STARD13: variants seen among roughly 807,000 people sequenced by gnomAD.
STARD13 encodes the protein stAR-related lipid transfer protein 13.
STARD13 carries 62 observed loss-of-function variants against 106.4 expected under a neutral mutation model. The ratio of observed to expected loss-of-function variants is 0.58; its 90% CI spans 0.48 to 0.72. The LOEUF is 0.72. Ranked by LOEUF, STARD13 falls within the 30% of genes least tolerant of loss-of-function variation. The pLI is 0.00. For synonymous variants in STARD13, 565 were observed against 553.0 expected (o/e 1.02, Z -0.31); for missense variants, 1,387 against 1,424.0 (o/e 0.97, Z 0.42).
chr13:33,123,500 C>A (rs1014026086), intron 7 of STARD13, among the ~76,000 whole-genome samples: 2 of 152,142 alleles, frequency 1.3e-5, no homozygotes, highest in African/African-American at 4.8e-5. Flanking sequence ...CCTCTCACTG[C>A]GGTGACTTCA....
chr13:33,288,659 A>T (rs1892171694), upstream of STARD13, among the ~76,000 whole-genome samples: 2 of 150,918 alleles, frequency 1.3e-5, no homozygotes, highest in African/African-American at 2.4e-5. Flanking sequence ...TCATTTTTTC[A>T]AAAAATCAGC....
At chr13:33,588,159 A>G in the STARD13 span, among the ~76,000 whole-genome samples, 1 of 152,182 alleles carries the variant, frequency 6.6e-6, no homozygotes, top group Non-Finnish European at 1.5e-5. Context: ...TTGAAATTCC[A>G]GGCTTGTATC....
the STARD13 span, among the ~76,000 whole-genome samples, chr13:33,445,979 C>G: frequency 1.3e-5 from 2 of 152,100 alleles, no homozygotes; most frequent in South Asian, 4.2e-4. Context: ...AACTATAGCA[C>G]TCCTCATGTT....
intron 6 of STARD13, among the ~76,000 whole-genome samples, chr13:33,127,169 A>T (rs576270680): frequency 5.3e-5 from 8 of 152,208 alleles, no homozygotes; most frequent in Non-Finnish European, 2.9e-5. Context: ...CTGGAAACCA[A>T]CTGAGAACTA....
the STARD13 span, among the ~76,000 whole-genome samples, chr13:33,476,373 C>T: frequency 6.6e-6 from 1 of 152,140 alleles, no homozygotes; most frequent in South Asian, 2.1e-4. Flanking sequence ...ATTACCTAAT[C>T]AGTTTTCAGC....
chr13:33,533,178 AC>A, the STARD13 span, among the ~76,000 whole-genome samples: 1 of 152,104 alleles, frequency 6.6e-6, no homozygotes. Context: ...GACCATGTAA[AC>A]CTGGGTCTTT....
At chr13:33,433,301 T>C in the STARD13 span, among the ~76,000 whole-genome samples, 1 of 152,226 alleles carries the variant, frequency 6.6e-6, no homozygotes, top group African/African-American at 2.4e-5. Flanking sequence ...ACTGCTCCTA[T>C]CTCCCAGAAG....
chr13:33,392,810 A>G, the STARD13 span, among the ~76,000 whole-genome samples: 1 of 152,222 alleles, frequency 6.6e-6, no homozygotes, highest in African/African-American at 2.4e-5. Flanking sequence ...CACTTTTTGA[A>G]TGTGGACTGG....
At chr13:33,275,292 T>A (rs1316606205) in intron 1 of STARD13, among the ~76,000 whole-genome samples, 2 of 152,206 alleles carry the variant, frequency 1.3e-5, no homozygotes, top group Non-Finnish European at 2.9e-5. Context: ...TGATACAAAG[T>A]GTATAACTTA....
At chr13:33,528,243 C>CATATATATGTATATAT in the STARD13 span, among the ~76,000 whole-genome samples, 3 of 93,480 alleles carry the variant, frequency 3.2e-5, no homozygotes, top group South Asian at 3.0e-4. Context: ...TATATATATA[C>CATATATATGTATATAT]ATATATATAT....
the STARD13 span, among the ~76,000 whole-genome samples, chr13:33,495,728 A>G: frequency 6.6e-6 from 1 of 150,960 alleles, no homozygotes; most frequent in Non-Finnish European, 1.5e-5. Flanking sequence ...ATTTAAATCA[A>G]TTTTCATCTT....
At chr13:33,625,839 CTA>C in the STARD13 span, among the ~76,000 whole-genome samples, 1 of 151,836 alleles carries the variant, frequency 6.6e-6, no homozygotes, top group South Asian at 2.1e-4. Flanking sequence ...GTAGCTGGGA[CTA>C]TAGGTTCTCG....
the STARD13 span, among the ~76,000 whole-genome samples, chr13:33,479,689 C>T: frequency 8.5e-5 from 13 of 152,094 alleles, no homozygotes; most frequent in Non-Finnish European, 1.5e-4. Context: ...TTGGAGGTGG[C>T]ATCTGGCAGG....
At chr13:33,542,723 G>A in the STARD13 span, among the ~76,000 whole-genome samples, 1 of 152,342 alleles carries the variant, frequency 6.6e-6, no homozygotes, top group Non-Finnish European at 1.5e-5. Flanking sequence ...GGGACCAGAG[G>A]CTGGTTGCAG....
chr13:33,330,176 T>C (rs776475066), intron 1 of STARD13, among the ~76,000 whole-genome samples: 13 of 152,234 alleles, frequency 8.5e-5, no homozygotes, highest in Non-Finnish European at 1.3e-4. Flanking sequence ...TCCTACTTTT[T>C]CCATAATGGT....
At chr13:33,627,643 A>C in the STARD13 span, among the ~76,000 whole-genome samples, 1 of 151,926 alleles carries the variant, frequency 6.6e-6, no homozygotes, top group South Asian at 2.1e-4. Context: ...TCTCAAAAAA[A>C]AAAAAAAAAT....
chr13:33,463,093 G>C, the STARD13 span, among the ~76,000 whole-genome samples: 1 of 152,226 alleles, frequency 6.6e-6, no homozygotes, highest in South Asian at 2.1e-4. Context: ...ATCTCTGGAA[G>C]TGATGCAGGG....
At chr13:33,106,686 T>C in intron 13 of STARD13, 72 bp downstream of exon 13, 1 of 1,370,468 alleles carries the variant, frequency 7.3e-7, no homozygotes, top group Non-Finnish European at 9.8e-7. Flanking sequence ...CAGGGTGACA[T>C]CCCTGCTGGA....
the STARD13 span, among the ~76,000 whole-genome samples, chr13:33,500,323 T>C: frequency 6.6e-6 from 1 of 152,198 alleles, no homozygotes; most frequent in Admixed American, 6.5e-5. Context: ...CTAACTTACA[T>C]TATTTGACTT....
Sources: gnomAD v4.1 joint callset for allele counts (sites outside exome capture counted in the v4.1 genomes callset) on GRCh38, gnomAD v4.1.1 for gene constraint, MANE v1.5 for transcripts, NCBI Gene and HGNC (gene_info 2026-07-23, HGNC 2026-07-21) for gene names.